MAML2: variants seen among roughly 807,000 people sequenced by gnomAD.
MAML2 encodes the protein mastermind-like protein 2.
Under a neutral mutation model 96.1 loss-of-function variants are expected in MAML2, and 22 were observed. That is an observed-to-expected ratio of 0.23 (90% CI 0.16 to 0.33). The LOEUF (loss-of-function observed/expected upper bound fraction) is 0.33. Ranked by LOEUF, MAML2 falls within the 10% of genes least tolerant of loss-of-function variation. The pLI, the probability that MAML2 is intolerant of heterozygous loss-of-function variation, is 1.00. For missense variants in MAML2, 1,367 were observed against 1,392.4 expected (o/e 0.98, Z 0.29); for synonymous variants, 561 against 521.3 (o/e 1.08, Z -1.04).
chr11:96,282,258 ATAATAAT>A lies in MAML2; in HGVS notation c.513+59118_513+59124del, dbSNP rs141071699. ...AGCAAGACTCCATCTCAAAAAAAAA[ATAATAAT>A]AATAATAATAATAATGACTGCATGT... On this transcript the variant is annotated intron_variant, in intron 1 of 4. Coordinates refer to ENST00000524717, the MANE Select transcript of MAML2 (RefSeq NM_032427.4). Among the ~76,000 whole-genome samples the A allele has an allele frequency of 2.4e-5, 3 of 126,316 alleles. 1 individual carries two copies. Among genetic ancestry groups the A allele is most frequent in the South Asian group, 5.0e-4 (2 of 3,990 alleles). The allele number at this position is 126,316 out of a possible 152,430, so 82.9% of individuals were successfully genotyped here.
intron 1 of MAML2, among the ~76,000 whole-genome samples, chr11:96,179,201 G>A (rs1162922628): frequency 1.3e-5 from 2 of 152,124 alleles, no homozygotes; most frequent in Non-Finnish European, 1.5e-5. Context: ...GGTTCACCCC[G>A]GCTCATTATA....
intron 1 of MAML2, among the ~76,000 whole-genome samples, chr11:96,236,228 A>C (rs1862365366): frequency 6.6e-6 from 1 of 152,240 alleles, no homozygotes; most frequent in Non-Finnish European, 1.5e-5. Context: ...AAATTAAAGA[A>C]ATGATAGTAT....
At chr11:96,008,547 C>G (rs1313242460) in intron 2 of MAML2, among the ~76,000 whole-genome samples, 3 of 152,130 alleles carry the variant, frequency 2.0e-5, no homozygotes, top group Admixed American at 2.0e-4. Flanking sequence ...TAAATCAAAA[C>G]TGTGACTAAA....
rs71459791 is a variant in MAML2, at chr11:96,199,196, CAAAAAAAA to C, written c.514-105687_514-105680del. Among the ~76,000 whole-genome samples, 41 of 58,618 alleles carry C rather than the reference CAAAAAAAA, an allele frequency of 7.0e-4. 2 individuals are homozygous for C. Among genetic ancestry groups the C allele is most frequent in the Middle Eastern group, 0.022 (2 of 90 alleles). 38.5% of individuals were successfully genotyped at this position (58,618 alleles called of 152,430 possible). ...TGGGCAACAGAGCAAGCCTCCGTCT[CAAAAAAAA>C]AAAAAAAAAAAAAAAAAAGAGAGGG... On this transcript the variant is annotated intron_variant, in intron 1 of 4. Coordinates refer to ENST00000524717, the MANE Select transcript of MAML2 (RefSeq NM_032427.4).
At chr11:96,150,771 A>C (rs897274061) in intron 1 of MAML2, among the ~76,000 whole-genome samples, 7 of 151,964 alleles carry the variant, frequency 4.6e-5, no homozygotes, top group Admixed American at 3.3e-4. Context: ...GACCTGCTTT[A>C]CCCTTGTAGG....
chr11:96,253,461 C>A (rs920654375), intron 1 of MAML2, among the ~76,000 whole-genome samples: 1 of 152,180 alleles, frequency 6.6e-6, no homozygotes, highest in African/African-American at 2.4e-5. Flanking sequence ...TAGGACTTGT[C>A]ATTTACTCAA....
At chr11:96,165,421 C>T (rs1353199759) in intron 1 of MAML2, among the ~76,000 whole-genome samples, 2 of 152,048 alleles carry the variant, frequency 1.3e-5, no homozygotes, top group Non-Finnish European at 2.9e-5. Context: ...TGTACCTTAA[C>T]GTAATTTTTT....
chr11:96,159,908 A>C (rs1385517000), intron 1 of MAML2, among the ~76,000 whole-genome samples: 1 of 152,134 alleles, frequency 6.6e-6, no homozygotes, highest in Non-Finnish European at 1.5e-5. Context: ...CTCCTAACCC[A>C]CTGCCTCTAC....
chr11:96,143,630 A>T (rs1337516865), intron 1 of MAML2, among the ~76,000 whole-genome samples: 1 of 152,144 alleles, frequency 6.6e-6, no homozygotes, highest in African/African-American at 2.4e-5. Context: ...CTGTTCAGAG[A>T]CAAATAAATT....
At chr11:96,056,784 CG>C (rs1565201418) in intron 2 of MAML2, among the ~76,000 whole-genome samples, 1 of 152,144 alleles carries the variant, frequency 6.6e-6, no homozygotes. Flanking sequence ...TTCTCATTTG[CG>C]TATGTGTAGG....
chr11:96,127,251 T>C (rs1860456388), intron 1 of MAML2, among the ~76,000 whole-genome samples: 1 of 152,248 alleles, frequency 6.6e-6, no homozygotes, highest in Admixed American at 6.5e-5. Context: ...TCTCCCTGCA[T>C]AGTGCCATTT....
At chr11:96,069,564 C>T (rs1859307201) in intron 2 of MAML2, among the ~76,000 whole-genome samples, 1 of 152,022 alleles carries the variant, frequency 6.6e-6, no homozygotes, top group East Asian at 1.9e-4. Context: ...AGTCTCTCAG[C>T]CACTGGAGAG....
chr11:96,182,957 C>CT (rs11301035), intron 1 of MAML2, among the ~76,000 whole-genome samples: 65 of 108,240 alleles, frequency 6.0e-4, no homozygotes, highest in South Asian at 3.2e-3. Context: ...CCTTTCTTTT[C>CT]TTTTTTTTTT....
chr11:96,284,538 T>C (rs1027055585), intron 1 of MAML2, among the ~76,000 whole-genome samples: 3 of 152,220 alleles, frequency 2.0e-5, no homozygotes, highest in Non-Finnish European at 4.4e-5. Context: ...ACAGTGAATC[T>C]GCAATTCTTC....
At chr11:96,180,373 G>A (rs996306412) in intron 1 of MAML2, among the ~76,000 whole-genome samples, 12 of 152,234 alleles carry the variant, frequency 7.9e-5, no homozygotes, top group South Asian at 2.1e-4. Flanking sequence ...GACTTCCAAG[G>A]CTAGGTTATA....
chr11:96,327,652 C>CA (rs1448803000), intron 1 of MAML2, among the ~76,000 whole-genome samples: 5 of 151,560 alleles, frequency 3.3e-5, no homozygotes, highest in Middle Eastern at 3.2e-3. Flanking sequence ...CTCCTGACCT[C>CA]AAGTGATCTG....
At chr11:96,051,687 C>T (rs1157543756) in intron 2 of MAML2, among the ~76,000 whole-genome samples, 1 of 152,178 alleles carries the variant, frequency 6.6e-6, no homozygotes, top group East Asian at 1.9e-4. Context: ...TTCCCATCTC[C>T]TCAAATGCCT....
chr11:96,085,652 C>G (rs571404108), intron 2 of MAML2, among the ~76,000 whole-genome samples: 1 of 152,294 alleles, frequency 6.6e-6, no homozygotes, highest in East Asian at 1.9e-4. Context: ...TAGTTGGAAA[C>G]TTGGTATTCA....
intron 1 of MAML2, among the ~76,000 whole-genome samples, chr11:96,314,804 G>A (rs973082356): frequency 1.3e-5 from 2 of 152,206 alleles, no homozygotes; most frequent in Non-Finnish European, 2.9e-5. Context: ...GGGTCCAGAG[G>A]GGAAGTAGTT....
Sources: gnomAD v4.1 joint callset for allele counts (sites outside exome capture counted in the v4.1 genomes callset) on GRCh38, gnomAD v4.1.1 for gene constraint, MANE v1.5 for transcripts, NCBI Gene and HGNC (gene_info 2026-07-23, HGNC 2026-07-21) for gene names.